The following CUL1 variants were observed in gnomAD, a reference collection of about 807,000 sequenced individuals.
CUL1 encodes the protein cullin-1.
CUL1 carries 24 observed loss-of-function variants against 118.0 expected under a neutral mutation model. The observed-to-expected ratio is 0.20, with a 90% CI of 0.15 to 0.29. The LOEUF (loss-of-function observed/expected upper bound fraction) is 0.29. CUL1 is among the 10% of genes least tolerant of loss of function. The pLI is 1.00. For synonymous variants in CUL1, 332 were observed against 340.4 expected, an observed-to-expected ratio of 0.98 and a Z score of 0.27; for missense variants, 361 against 933.8, an observed-to-expected ratio of 0.39 and a Z score of 7.99.
chr7:148,761,649 C>G (rs1178711273), intron 7 of CUL1, among the ~76,000 whole-genome samples: 1 of 152,232 alleles, frequency 6.6e-6, no homozygotes, highest in Non-Finnish European at 1.5e-5. Flanking sequence ...ATCTCTTTTG[C>G]AGCTGTTCAA....
At chr7:148,777,708 T>C (rs1378469822) in intron 9 of CUL1, among the ~76,000 whole-genome samples, 1 of 151,934 alleles carries the variant, frequency 6.6e-6, no homozygotes, top group Non-Finnish European at 1.5e-5. Context: ...TTTAGACCAA[T>C]AGAGGCTTTG....
intron 1 of CUL1, among the ~76,000 whole-genome samples, chr7:148,720,260 T>C (rs1473889702): frequency 1.3e-5 from 2 of 152,120 alleles, no homozygotes; most frequent in African/African-American, 4.8e-5. Context: ...GGCAACAATA[T>C]GGAGGATGGA....
At chr7:148,788,103 G>A (rs1800881038) in intron 13 of CUL1, among the ~76,000 whole-genome samples, 1 of 152,178 alleles carries the variant, frequency 6.6e-6, no homozygotes, top group South Asian at 2.1e-4. Flanking sequence ...AGAGTGCAGA[G>A]CTCTTGCACA....
At chr7:148,788,022 G>A (rs1800876949) in intron 13 of CUL1, among the ~76,000 whole-genome samples, 1 of 152,108 alleles carries the variant, frequency 6.6e-6, no homozygotes, top group Non-Finnish European at 1.5e-5. Flanking sequence ...CAGCTGATTC[G>A]GTTCCTGGTG....
At chr7:148,788,765 G>A in intron 14 of CUL1, 91 bp downstream of exon 14, 1 of 846,472 alleles carries the variant, frequency 1.2e-6, no homozygotes, top group Non-Finnish European at 1.9e-6. Context: ...AAGATGGGAG[G>A]GGCTTTGTCA....
At position 148,781,741 on chromosome 7, in the gene CUL1, A is replaced by C. The variant is rs560517059; in HGVS notation, c.1084-2042A>C. 2.0e-5 allele frequency among the ~76,000 whole-genome samples: 3 copies of C among 152,298 alleles called. No homozygotes were observed. In the South Asian group the frequency reaches 6.2e-4, roughly 32 times the overall value. Reference sequence around the variant, plus strand: ...GCTGGCGTTTTCGGGAATGAGGGTGAAGGCGTGTGGCAGGGAAGCCGTGCA... The same window carrying C: ...GCTGGCGTTTTCGGGAATGAGGGTGCAGGCGTGTGGCAGGGAAGCCGTGCA... On this transcript the variant is annotated intron_variant, in intron 9 of 21. Coordinates refer to ENST00000325222, the MANE Select transcript of CUL1 (RefSeq NM_003592.3).
intron 9 of CUL1, among the ~76,000 whole-genome samples, chr7:148,779,976 G>T (rs922983732): frequency 3.3e-5 from 5 of 152,192 alleles, no homozygotes; most frequent in Non-Finnish European, 5.9e-5. Flanking sequence ...TCCTATGCTG[G>T]ATGCTTCCTG....
At chr7:148,771,491 A>G (rs1162783049) in intron 9 of CUL1, among the ~76,000 whole-genome samples, 1 of 152,162 alleles carries the variant, frequency 6.6e-6, no homozygotes, top group Non-Finnish European at 1.5e-5. Context: ...GGCAGCCCTC[A>G]GTGACGTGAA....
chr7:148,795,074 C>T (rs1801139691), intron 17 of CUL1, among the ~76,000 whole-genome samples: 1 of 152,078 alleles, frequency 6.6e-6, no homozygotes, highest in South Asian at 2.1e-4. Context: ...CTCAAGTGAT[C>T]TGCCTGCCTC....
Position 148,790,336 on chromosome 7 carries a change from A to T in CUL1, c.1701A>T (p.Thr567=), listed in dbSNP as rs952622557. 3 of 1,614,050 alleles carry T rather than the reference A, an allele frequency of 1.9e-6. No homozygotes were observed. In the African/African-American group the frequency reaches 4.0e-5, roughly 22 times the overall value. ...SELERSYQRF[T]AFYASRHSGR... is the part of the protein sequence containing the mutation. ...TGGAACGTAGTTATCAGCGATTCAC[A>T]GCTTTCTACGCCAGCCGCCACAGTG... Residue 567 remains threonine, a synonymous_variant, in exon 16 of 22, where the codon ACA becomes ACT. Transcript: ENST00000325222.
chr7:148,743,871 G>A (rs555569206), intron 2 of CUL1, among the ~76,000 whole-genome samples: 208 of 152,252 alleles, frequency 1.4e-3, no homozygotes, highest in African/African-American at 4.8e-3. Context: ...TCAGTGAGCC[G>A]AGATGGCACC....
chr7:148,699,472 G>T (rs1006906146), intron 1 of CUL1, among the ~76,000 whole-genome samples: 1 of 152,114 alleles, frequency 6.6e-6, no homozygotes, highest in South Asian at 2.1e-4. Flanking sequence ...GCCGGGACCC[G>T]TGCCCTTGCC....
At chr7:148,756,037 A>T (rs1367452973) in intron 3 of CUL1, among the ~76,000 whole-genome samples, 2 of 152,214 alleles carry the variant, frequency 1.3e-5, no homozygotes, top group Non-Finnish European at 2.9e-5. Context: ...TAACGTTTTT[A>T]AAGGGTAAGG....
At chr7:148,698,402 G>T (rs1236822915), upstream of CUL1, 1 of 152,256 alleles carries the variant, frequency 6.6e-6, no homozygotes, top group Non-Finnish European at 1.5e-5. Flanking sequence ...GCTCAGCCCC[G>T]CTCGCGAGGT....
At chr7:148,758,820 A>C (rs1377007849) in intron 4 of CUL1, among the ~76,000 whole-genome samples, 2 of 152,130 alleles carry the variant, frequency 1.3e-5, no homozygotes, top group African/African-American at 4.8e-5. Flanking sequence ...TTATTTTTTT[A>C]ACTGACAAAA....
chr7:148,768,378 C>CTTTTTTTTTTTTTTTTTT (rs10595637), intron 9 of CUL1, among the ~76,000 whole-genome samples: 2 of 94,868 alleles, frequency 2.1e-5, no homozygotes, highest in African/African-American at 8.2e-5. Flanking sequence ...AAGAAAAGCT[C>CTTTTTTTTTTTTTTTTTT]TTTTTTTTTT....
intron 2 of CUL1, among the ~76,000 whole-genome samples, chr7:148,745,643 G>T (rs1489919044): frequency 6.6e-6 from 1 of 152,182 alleles, no homozygotes; most frequent in Non-Finnish European, 1.5e-5. Flanking sequence ...CTGGAGGTAG[G>T]GGGTAGAAAG....
At chr7:148,792,165 G>A (rs943325013) in intron 16 of CUL1, among the ~76,000 whole-genome samples, 3 of 146,476 alleles carry the variant, frequency 2.0e-5, no homozygotes, top group Non-Finnish European at 4.5e-5. Context: ...CAGCCTGGGT[G>A]ACAGAGCAAG....
intron 1 of CUL1, among the ~76,000 whole-genome samples, chr7:148,718,640 G>T (rs1463255230): frequency 6.6e-6 from 1 of 152,072 alleles, no homozygotes; most frequent in Non-Finnish European, 1.5e-5. Context: ...CCTGTTGGTG[G>T]ACATTTGTGT....
Sources: allele counts gnomAD v4.1 joint callset (sites outside exome capture counted in the v4.1 genomes callset), GRCh38; gene constraint gnomAD v4.1.1; transcripts MANE v1.5; gene names NCBI Gene and HGNC (gene_info 2026-07-23, HGNC 2026-07-21).